The following SAFB variants were observed in gnomAD, a reference collection of about 807,000 sequenced individuals.
SAFB encodes the protein scaffold attachment factor B, also known as scaffold attachment factor B1.
Under a neutral mutation model 101.6 loss-of-function variants are expected in SAFB, and 15 were observed. The ratio of observed to expected loss-of-function variants is 0.15; its 90% CI spans 0.10 to 0.23. SAFB has a LOEUF of 0.23. Among genes scored for constraint, SAFB ranks in the 10% least tolerant of loss-of-function variants. The pLI is 1.00. For missense variants in SAFB, 930 were observed against 1,104.1 expected (o/e 0.84, Z 2.23); for synonymous variants, 449 against 407.5 (o/e 1.10, Z -1.23).
rs200019616 is a variant in SAFB at position 5,664,185 on chromosome 19, C to G, written c.2291+26C>G. The G allele has an allele frequency of 3.1e-6, 5 of 1,608,380 alleles. No homozygotes were observed. In the East Asian group the frequency reaches 1.1e-4, roughly 36 times the overall value. On this transcript the variant is annotated intron_variant, in intron 16 of 20. Coordinates refer to ENST00000588852, the MANE Select transcript of SAFB (RefSeq NM_001201338.2). ...GTCAGTTGGGCCCCTGCTGGGCGTG[C>G]GGGTTTTCTTTTTCCTGGCTCATTC...
chr19:5,651,774 C>T (rs2053943818), intron 9 of SAFB, among the ~76,000 whole-genome samples: 1 of 152,226 alleles, frequency 6.6e-6, no homozygotes, highest in South Asian at 2.1e-4. Flanking sequence ...CCTCGTCTCT[C>T]TCAGAGTCGG....
intron 2 of SAFB, among the ~76,000 whole-genome samples, chr19:5,633,397 G>T (rs1251980491): frequency 6.6e-6 from 1 of 152,160 alleles, no homozygotes; most frequent in Non-Finnish European, 1.5e-5. Flanking sequence ...CAGGGTACGT[G>T]AGTCTCATCT....
At chr19:5,653,619 C>T (rs1299456057) in intron 11 of SAFB, among the ~76,000 whole-genome samples, 199 bp downstream of exon 11, 1 of 152,112 alleles carries the variant, frequency 6.6e-6, no homozygotes, top group Non-Finnish European at 1.5e-5. Flanking sequence ...TGTGCACCAC[C>T]ACACCCGGCT....
chr19:5,643,200 G>C lies in SAFB; in HGVS notation c.546+1254G>C, dbSNP rs560824255. Among the ~76,000 whole-genome samples, 14 of 152,238 alleles carry C rather than the reference G, an allele frequency of 9.2e-5. No homozygotes were observed. The South Asian group carries it at 2.7e-3, about 29-fold the overall frequency. On this transcript the variant is annotated intron_variant, in intron 4 of 20. Transcript: ENST00000588852. ...TTTACCTGATGATTAATGTTTGTCA[G>C]ACAGAAAAAGTGATGCATATGAGAA...
chr19:5,637,999 T>A (rs2053629325), intron 2 of SAFB, among the ~76,000 whole-genome samples: 1 of 152,248 alleles, frequency 6.6e-6, no homozygotes, highest in Non-Finnish European at 1.5e-5. Flanking sequence ...CCTAATGACT[T>A]CCATTTTTGC....
chr19:5,633,742 G>A (rs889054930), intron 2 of SAFB, among the ~76,000 whole-genome samples: 1 of 151,274 alleles, frequency 6.6e-6, no homozygotes, highest in African/African-American at 2.4e-5. Context: ...TTGCGCCACT[G>A]CACTCCAGCC....
At position 5,657,844 on chromosome 19, in the gene SAFB, A is replaced by G. The variant is rs567716051; in HGVS notation, c.1862+497A>G. Among the ~76,000 whole-genome samples the G allele has an allele frequency of 4.6e-5, 7 of 152,158 alleles. No homozygotes were observed. In the East Asian group the frequency reaches 9.7e-4, roughly 21 times the overall value. On this transcript the variant is annotated intron_variant, in intron 14 of 20. Coordinates refer to ENST00000588852, the MANE Select transcript of SAFB (RefSeq NM_001201338.2). ...CCGGCCTACTTACAGCTCTTTTCAAATAAGTCTCTTCCCAAAGATTGTAGA... is the reference window on the plus strand; with the variant it reads ...CCGGCCTACTTACAGCTCTTTTCAAGTAAGTCTCTTCCCAAAGATTGTAGA...
chr19:5,651,816 C>G (rs2053945107), intron 9 of SAFB, among the ~76,000 whole-genome samples: 1 of 152,224 alleles, frequency 6.6e-6, no homozygotes, highest in Admixed American at 6.5e-5. Flanking sequence ...GGAGTCCAAT[C>G]CTTTGTGTTA....
At position 5,667,359 on chromosome 19, in the gene SAFB, C is replaced by T. The variant is rs374578779; in HGVS notation, c.2466C>T (p.Asp822=). ...GLPPPPRGRR[D]WGDHGRREDD... The stretch of plus-strand genomic sequence containing the variant: ...TCTCTCTTTCAAGGGGCAGACGTGA[C>T]TGGGGGGACCATGGCCGAAGAGAGG... The change falls in exon 19 of 21, where the codon GAC becomes GAT. Residue 822 remains aspartate (D), a synonymous_variant. Coordinates refer to ENST00000588852, the MANE Select transcript of SAFB (RefSeq NM_001201338.2). The surrounding 1 kb of genome is among the most constrained non-coding windows in gnomAD (Gnocchi z 4.0). 7 of 1,501,112 alleles carry T rather than the reference C, an allele frequency of 4.7e-6. No homozygotes were observed. The highest frequency in any genetic ancestry group is 1.7e-4 in the Middle Eastern group (1 of 5,796). The allele number at this position is 1,501,112 out of a possible 1,614,324, so 93.0% of individuals were successfully genotyped here. A position where few individuals can be genotyped will look rare whatever the true frequency, so the allele number is the denominator to read the frequency against.
At chr19:5,624,272 G>A (rs1486203533) in intron 1 of SAFB, among the ~76,000 whole-genome samples, 2 of 147,924 alleles carry the variant, frequency 1.4e-5, no homozygotes, top group Admixed American at 1.3e-4. Context: ...ATAGGACTTT[G>A]ATTTGGGGAT....
At chr19:5,662,008 C>A (rs1436546673) in intron 15 of SAFB, among the ~76,000 whole-genome samples, 200 bp downstream of exon 15, 2 of 152,086 alleles carry the variant, frequency 1.3e-5, no homozygotes, top group Non-Finnish European at 2.9e-5. Context: ...CCTCAGCCTC[C>A]CGAGTAGCTG....
intron 4 of SAFB, among the ~76,000 whole-genome samples, chr19:5,642,651 C>CTTTTTTTTTT (rs767488519): frequency 0.011 from 764 of 70,864 alleles, 124 homozygotes; most frequent in East Asian, 0.052. Flanking sequence ...CCCTTCCTTT[C>CTTTTTTTTTT]TTTTTTTTTT....
At position 5,623,253 on chromosome 19, in the gene SAFB, G is replaced by A. The variant is rs1287523537; in HGVS notation, c.48G>A (p.Ala16=). 1.9e-6 allele frequency: 3 copies of A among 1,571,724 alleles called. No homozygotes were observed. Among genetic ancestry groups the A allele is most frequent in the South Asian group, 2.3e-5 (2 of 86,890 alleles). The change falls in exon 1 of 21, where the codon GCG becomes GCA. Residue 16 remains alanine, a synonymous_variant. Transcript: ENST00000588852. ...TAGGTGATTCTGGAGCGGCGGGCGC[G>A]GCGGCTCTGAGCTCCGCCTCGTCAG... ...SGLGDSGAAG[A]AALSSASSET... is the part of the protein sequence containing the mutation.
chr19:5,668,278 C>G lies in SAFB; in HGVS notation c.2741C>G (p.Thr914Ser). Residue 914 changes from threonine (T) to serine (S), a missense_variant, in exon 21 of 21, where the codon ACT becomes AGT. Thr to Ser is a moderately conservative substitution (Grantham distance 58). Transcript: ENST00000588852. Reference protein sequence around the residue: ...RGSRPSDARFTRRY With the variant: ...RGSRPSDARFSRRY Reference sequence around the variant, plus strand: ...AGCAGGCCCAGCGATGCCCGCTTCACTCGCCGCTACTGAGTACTTGGAATC... The same window carrying G: ...AGCAGGCCCAGCGATGCCCGCTTCAGTCGCCGCTACTGAGTACTTGGAATC... The G allele has an allele frequency of 6.2e-7, 1 of 1,611,950 alleles. No homozygotes were observed. The highest frequency in any genetic ancestry group is 8.5e-7 in the Non-Finnish European group (1 of 1,179,634).
intron 4 of SAFB, 200 bp downstream of exon 4, chr19:5,642,146 A>G (rs2053730157): frequency 1.1e-5 from 7 of 653,240 alleles, no homozygotes; most frequent in Non-Finnish European, 1.1e-5. Context: ...TGTACTTGCT[A>G]TCCATTTGCG....
intron 2 of SAFB, 142 bp from the exon 3 acceptor site, chr19:5,641,452 C>A (rs781286560): frequency 1.5e-6 from 1 of 686,284 alleles, no homozygotes; most frequent in African/African-American, 1.8e-5. Flanking sequence ...GGAATGGCCT[C>A]ATTCCTGGAT....
intron 9 of SAFB, among the ~76,000 whole-genome samples, chr19:5,651,608 C>T (rs2053940015): frequency 6.6e-6 from 1 of 152,186 alleles, no homozygotes; most frequent in African/African-American, 2.4e-5. Flanking sequence ...GCAGCACCTG[C>T]CTTTCCTGAG....
chr19:5,651,683 C>T (rs1316463821), intron 9 of SAFB, among the ~76,000 whole-genome samples: 1 of 152,186 alleles, frequency 6.6e-6, no homozygotes, highest in East Asian at 1.9e-4. Context: ...CCGCCTGGCC[C>T]TCCTCCCTGT....
Position 5,662,840 on chromosome 19 carries a change from C to G in SAFB, c.2153+1032C>G, listed in dbSNP as rs866218570. On this transcript the variant is annotated intron_variant, in intron 15 of 20. Coordinates refer to ENST00000588852, the MANE Select transcript of SAFB (RefSeq NM_001201338.2). The stretch of plus-strand genomic sequence containing the variant: ...TTTTTTTAGTAGAGATGGGGTTTTG[C>G]CATGTTGGTCAGGCTGATCTCAAAC... Among the ~76,000 whole-genome samples, 25 of 151,444 alleles carry G rather than the reference C, an allele frequency of 1.7e-4. No homozygotes were observed. The South Asian group carries it at 2.3e-3, about 14-fold the overall frequency.
Sources: allele counts gnomAD v4.1 joint callset (sites outside exome capture counted in the v4.1 genomes callset), GRCh38; gene constraint gnomAD v4.1.1; non-coding constraint Gnocchi (gnomAD v3.1); transcripts MANE v1.5; gene names NCBI Gene and HGNC (gene_info 2026-07-23, HGNC 2026-07-21).